The following CADPS2 variants were observed in gnomAD, a reference collection of about 807,000 sequenced individuals.
The protein encoded by CADPS2 is calcium-dependent secretion activator 2.
CADPS2 carries 93 observed loss-of-function variants against 172.5 expected under a neutral mutation model. The observed-to-expected ratio is 0.54, with a 90% confidence interval of 0.46 to 0.64. The LOEUF (loss-of-function observed/expected upper bound fraction) is 0.64. Ranked by LOEUF, CADPS2 falls within the 30% of genes least tolerant of loss-of-function variation. The pLI, the probability that CADPS2 is intolerant of heterozygous loss-of-function variation, is 0.00. For missense variants in CADPS2, 1,420 were observed against 1,565.9 expected (o/e 0.91, Z 1.57); for synonymous variants, 546 against 555.2 (o/e 0.98, Z 0.23).
At chr7:122,692,231 G>C (rs568986286) in intron 2 of CADPS2, among the ~76,000 whole-genome samples, 2 of 152,088 alleles carry the variant, frequency 1.3e-5, no homozygotes, top group African/African-American at 2.4e-5. Flanking sequence ...GCAACATAGC[G>C]GGGGTGCAGG....
At chr7:122,726,197 A>T (rs2091066709) in intron 2 of CADPS2, among the ~76,000 whole-genome samples, 2 of 152,074 alleles carry the variant, frequency 1.3e-5, no homozygotes, top group Admixed American at 1.3e-4. Context: ...ATTCTTGACA[A>T]CTGTAAGGGG....
At chr7:122,671,678 T>G (rs2430029) in intron 2 of CADPS2, among the ~76,000 whole-genome samples, 31,370 of 152,166 alleles carry the variant, frequency 0.21, 3,473 homozygotes, top group African/African-American at 0.23. Flanking sequence ...GGGCTCACAG[T>G]ACAGTGAGAA....
intron 1 of CADPS2, among the ~76,000 whole-genome samples, chr7:122,830,818 A>G (rs983011124): frequency 6.6e-6 from 1 of 152,214 alleles, no homozygotes; most frequent in Admixed American, 6.5e-5. Context: ...AATAAACAGA[A>G]TCACTTAATG....
intron 1 of CADPS2, among the ~76,000 whole-genome samples, chr7:122,804,927 G>C (rs144208697): frequency 8.1e-4 from 124 of 152,228 alleles, no homozygotes; most frequent in Non-Finnish European, 1.4e-3. Context: ...AATAAGCTCT[G>C]GGGATTGGTA....
chr7:122,438,025 T>C (rs570101908), intron 17 of CADPS2, among the ~76,000 whole-genome samples: 1 of 152,258 alleles, frequency 6.6e-6, no homozygotes, highest in African/African-American at 2.4e-5. Flanking sequence ...ATAGTTTAAA[T>C]GTTAGACATA....
intron 2 of CADPS2, among the ~76,000 whole-genome samples, chr7:122,677,719 A>G (rs2082534253): frequency 6.6e-6 from 1 of 152,220 alleles, no homozygotes. Context: ...ACACAGCCAG[A>G]GTGTGGAAGA....
intron 9 of CADPS2, among the ~76,000 whole-genome samples, chr7:122,496,087 T>C (rs2058710884): frequency 6.6e-6 from 1 of 152,194 alleles, no homozygotes; most frequent in African/African-American, 2.4e-5. Flanking sequence ...ATTTTGTTAA[T>C]CCTCTCTGTT....
chr7:122,444,714 G>GT (rs2051900274), intron 15 of CADPS2, among the ~76,000 whole-genome samples: 1 of 152,130 alleles, frequency 6.6e-6, no homozygotes, highest in African/African-American at 2.4e-5. Context: ...TGTGGGATGT[G>GT]TGTCGTCTAA....
At chr7:122,702,917 T>C (rs940393059) in intron 2 of CADPS2, 2 of 559,636 alleles carry the variant, frequency 3.6e-6, no homozygotes, top group South Asian at 2.7e-5. Context: ...TAATATTTAG[T>C]AGATTATCTT....
chr7:122,467,766 C>T lies in CADPS2; in HGVS notation c.2186+3609G>A, dbSNP rs114057613. ...CTCAGCCTGACTTACAAAACCAAGA[C>T]GTATAACCACACATATCAACCTAGA... On this transcript the variant is annotated intron_variant, in intron 14 of 29. Coordinates refer to ENST00000449022, the MANE Select transcript of CADPS2 (RefSeq NM_017954.11). Among the ~76,000 whole-genome samples the T allele has an allele frequency of 4.1e-3, 621 of 152,268 alleles. 7 individuals carry two copies. The highest frequency in any genetic ancestry group is 0.014 in the African/African-American group (582 of 41,552).
chr7:122,603,216 AG>A (rs2073036262), intron 6 of CADPS2, among the ~76,000 whole-genome samples: 1 of 152,124 alleles, frequency 6.6e-6, no homozygotes. Context: ...CTTAAAAAAA[AG>A]ATTATAAAGT....
chr7:122,875,021 T>C (rs1820838104), intron 1 of CADPS2, among the ~76,000 whole-genome samples: 2 of 152,318 alleles, frequency 1.3e-5, no homozygotes, highest in South Asian at 4.1e-4. Context: ...CAGTGGTAAC[T>C]AATAAAATGT....
At chr7:122,753,076 C>T (rs529004102) in intron 1 of CADPS2, among the ~76,000 whole-genome samples, 3 of 152,142 alleles carry the variant, frequency 2.0e-5, no homozygotes, top group South Asian at 2.1e-4. Context: ...TCAATGGCCC[C>T]GGGGTAAAAT....
intron 8 of CADPS2, among the ~76,000 whole-genome samples, chr7:122,527,617 A>AGAGAGAGAGAGAGT: frequency 1.3e-4 from 11 of 83,804 alleles, no homozygotes; most frequent in Non-Finnish European, 2.3e-4. Flanking sequence ...AGAGAGAGAG[A>AGAGAGAGAGAGAGT]GTGTGTGTGT....
intron 1 of CADPS2, among the ~76,000 whole-genome samples, chr7:122,855,244 A>G (rs989752701): frequency 2.0e-5 from 3 of 152,208 alleles, no homozygotes; most frequent in African/African-American, 7.2e-5. Context: ...AGTTCTTCCT[A>G]TATCAAATTG....
chr7:122,468,836 T>G (rs1367000956), intron 14 of CADPS2, among the ~76,000 whole-genome samples: 1 of 152,212 alleles, frequency 6.6e-6, no homozygotes, highest in Non-Finnish European at 1.5e-5. Context: ...TCAGCTTATC[T>G]TGGATTATTT....
intron 1 of CADPS2, among the ~76,000 whole-genome samples, chr7:122,803,485 G>T (rs1000886374): frequency 6.6e-6 from 1 of 152,126 alleles, no homozygotes; most frequent in African/African-American, 2.4e-5. Flanking sequence ...CTGTGACACA[G>T]AGCTTGCCAT....
At chr7:122,550,722 A>G (rs1205876427) in intron 8 of CADPS2, among the ~76,000 whole-genome samples, 1 of 151,962 alleles carries the variant, frequency 6.6e-6, no homozygotes, top group African/African-American at 2.4e-5. Flanking sequence ...ATGCTAAGGT[A>G]TAGCCCATTT....
chr7:122,566,984 T>C (rs779218132), intron 7 of CADPS2, among the ~76,000 whole-genome samples: 13 of 152,170 alleles, frequency 8.5e-5, no homozygotes, highest in Non-Finnish European at 1.5e-4. Flanking sequence ...ATACAGTAGA[T>C]GCCACTATGA....
Sources: gnomAD v4.1 joint callset for allele counts (sites outside exome capture counted in the v4.1 genomes callset) on GRCh38, gnomAD v4.1.1 for gene constraint, MANE v1.5 for transcripts, NCBI Gene and HGNC (gene_info 2026-07-23, HGNC 2026-07-21) for gene names.